PXDNL: variants seen among roughly 807,000 people sequenced by gnomAD.
PXDNL encodes the protein probable oxidoreductase PXDNL.
A neutral mutation model predicts 150.8 loss-of-function variants in PXDNL; 145 were observed. That is an observed-to-expected ratio of 0.96 (90% CI 0.84 to 1.10). The LOEUF is 1.10. Ranked by LOEUF, PXDNL falls within the 50% of genes least tolerant of loss-of-function variation. The pLI, the probability that PXDNL is intolerant of heterozygous loss-of-function variation, is 0.00. For missense variants in PXDNL, 2,087 were observed against 1,873.9 expected (o/e 1.11, Z -2.10); for synonymous variants, 757 against 725.7 (o/e 1.04, Z -0.69).
intron 2 of PXDNL, among the ~76,000 whole-genome samples, chr8:51,596,215 G>A (rs1563477135): frequency 6.6e-6 from 1 of 152,070 alleles, no homozygotes; most frequent in Non-Finnish European, 1.5e-5. Context: ...CCATGTTGTT[G>A]CAAGGAACAT....
rs538253763 is a variant in PXDNL at position 51,342,910 on chromosome 8, C to G, written c.4016+2923G>C. 2.0e-5 allele frequency among the ~76,000 whole-genome samples: 3 copies of G among 148,758 alleles called. No individual in the cohort carries two copies. In the East Asian group the frequency reaches 5.9e-4, roughly 29 times the overall value. On this transcript the variant is annotated intron_variant, in intron 20 of 22. Coordinates refer to ENST00000356297, the MANE Select transcript of PXDNL (RefSeq NM_144651.5). ...AAAAAAAAAAAAAAAGGGCCTTGCT[C>G]CTAACCAGTACACAGTCTATTTTCC...
intron 3 of PXDNL, among the ~76,000 whole-genome samples, chr8:51,583,734 T>A (rs2130633643): frequency 6.6e-6 from 1 of 152,266 alleles, no homozygotes; most frequent in Admixed American, 6.5e-5. Context: ...GATGAATAGA[T>A]AAATAGATGG....
At chr8:51,352,903 G>A (rs963227258) in intron 19 of PXDNL, among the ~76,000 whole-genome samples, 7 of 152,110 alleles carry the variant, frequency 4.6e-5, no homozygotes, top group African/African-American at 1.7e-4. Flanking sequence ...CTAACAATGG[G>A]TACCCATGGA....
chr8:51,621,320 T>C (rs1294657249), intron 2 of PXDNL, among the ~76,000 whole-genome samples: 3 of 152,186 alleles, frequency 2.0e-5, no homozygotes, highest in Non-Finnish European at 4.4e-5. Context: ...TAACAACAGT[T>C]GGTATTCTAA....
Position 51,446,392 on chromosome 8 carries a change from G to A in PXDNL, c.1525+612C>T, listed in dbSNP as rs539648953. Among the ~76,000 whole-genome samples the A allele has an allele frequency of 4.6e-5, 7 of 152,226 alleles. No individual in the cohort carries two copies. The South Asian group carries it at 1.5e-3, about 32-fold the overall frequency. ...ATTAAGTTCCATCATTTCACCATAA[G>A]CCAGAAACTAAGAAAAAATTTCAGC... is the stretch of plus-strand genomic sequence containing the variant. On this transcript the variant is annotated intron_variant, in intron 12 of 22. Coordinates refer to ENST00000356297, the MANE Select transcript of PXDNL (RefSeq NM_144651.5).
intron 4 of PXDNL, among the ~76,000 whole-genome samples, chr8:51,517,508 C>G (rs776162546): frequency 2.0e-5 from 3 of 152,188 alleles, no homozygotes; most frequent in African/African-American, 2.4e-5. Flanking sequence ...TTGACTATGT[C>G]TTGCTCATGC....
At chr8:51,788,039 T>C (rs2037476484) in intron 1 of PXDNL, among the ~76,000 whole-genome samples, 1 of 152,350 alleles carries the variant, frequency 6.6e-6, no homozygotes, top group East Asian at 1.9e-4. Context: ...TAAAGTGTTT[T>C]CAAATTAAGC....
Position 51,374,627 on chromosome 8 carries a change from G to T in PXDNL, c.3662C>A (p.Thr1221Asn). The change falls in exon 18 of 23, where the codon ACC becomes AAC. Residue 1221 changes from threonine (T) to asparagine (N), a missense_variant. Coordinates refer to ENST00000356297, the MANE Select transcript of PXDNL (RefSeq NM_144651.5). Reference protein sequence around the residue: ...VGPTLMCLFVTQFQRLRDGDR... With the variant: ...VGPTLMCLFVNQFQRLRDGDR... ...TCCATCTCTTAGCCGCTGAAACTGG[G>T]TAACAAACAGGCACATAAGTGTTGG... 5 of 1,613,794 alleles carry T rather than the reference G, an allele frequency of 3.1e-6. No homozygotes were observed. Among genetic ancestry groups the T allele is most frequent in the Non-Finnish European group, 4.2e-6 (5 of 1,179,840 alleles).
chr8:51,575,146 G>C (rs1033500691), intron 3 of PXDNL, among the ~76,000 whole-genome samples: 4 of 151,998 alleles, frequency 2.6e-5, no homozygotes, highest in Non-Finnish European at 5.9e-5. Flanking sequence ...AGGGACTTAA[G>C]AGGAGGAAAG....
chr8:51,487,298 G>T (rs1810788697), intron 5 of PXDNL, among the ~76,000 whole-genome samples: 1 of 151,914 alleles, frequency 6.6e-6, no homozygotes. Flanking sequence ...TTCTAAGAAA[G>T]TAAATCTTCT....
intron 12 of PXDNL, among the ~76,000 whole-genome samples, chr8:51,431,734 G>C (rs1343860785): frequency 6.6e-6 from 1 of 152,084 alleles, no homozygotes; most frequent in African/African-American, 2.4e-5. Context: ...TTCTAAATTA[G>C]TTCATTAATA....
chr8:51,729,525 A>C (rs1816878588), intron 1 of PXDNL, among the ~76,000 whole-genome samples: 1 of 152,242 alleles, frequency 6.6e-6, no homozygotes, highest in South Asian at 2.1e-4. Flanking sequence ...GCTGAGCAGC[A>C]GAGACTCTTA....
chr8:51,524,038 G>A (rs532537109), intron 4 of PXDNL, among the ~76,000 whole-genome samples: 1 of 152,308 alleles, frequency 6.6e-6, no homozygotes, highest in South Asian at 2.1e-4. Flanking sequence ...TCTGCAGCAG[G>A]ATCTGGGCAC....
intron 2 of PXDNL, among the ~76,000 whole-genome samples, chr8:51,602,420 G>C (rs1288402471): frequency 2.0e-5 from 3 of 151,578 alleles, no homozygotes; most frequent in African/African-American, 7.3e-5. Flanking sequence ...TAATTCAAAA[G>C]ACCAGTCTTC....
intron 2 of PXDNL, among the ~76,000 whole-genome samples, chr8:51,610,259 A>G (rs1813971391): frequency 6.6e-6 from 1 of 152,184 alleles, no homozygotes; most frequent in African/African-American, 2.4e-5. Flanking sequence ...TGGAGTCCAC[A>G]TTAGATTACA....
chr8:51,644,298 C>T (rs1367695544), intron 2 of PXDNL, among the ~76,000 whole-genome samples: 1 of 118,522 alleles, frequency 8.4e-6, no homozygotes, highest in African/African-American at 2.8e-5. Context: ...ATATATAAAC[C>T]CTGTAGCAAA....
Position 51,475,066 on chromosome 8 carries a change from T to C in PXDNL, c.600A>G (p.Gln200=), listed in dbSNP as rs1810442182. 1 of 1,613,906 alleles carries C rather than the reference T, an allele frequency of 6.2e-7. No individual in the cohort carries two copies. The highest frequency in any genetic ancestry group is 8.5e-7 in the Non-Finnish European group (1 of 1,179,872). Residue 200 remains glutamine, a synonymous_variant, in exon 7 of 23, where the codon CAA becomes CAG. Coordinates refer to ENST00000356297, the MANE Select transcript of PXDNL (RefSeq NM_144651.5). The part of the protein sequence containing the change: ...WLGELLQGFA[Q]HGHTQAAATC... ...TAGCCGCAGCCTGGGTGTGGCCGTGTTGGGCAAAGCCTTGTAAAAGCTCCC... is the reference window on the plus strand; with the variant it reads ...TAGCCGCAGCCTGGGTGTGGCCGTGCTGGGCAAAGCCTTGTAAAAGCTCCC...
chr8:51,453,422 A>G (rs1166835899), intron 10 of PXDNL, 97 bp downstream of exon 10: 7 of 1,214,040 alleles, frequency 5.8e-6, no homozygotes, highest in Non-Finnish European at 3.5e-6. Flanking sequence ...AAATAAAAAT[A>G]TTTCTCCACT....
chr8:51,786,291 C>A (rs1184738860), intron 1 of PXDNL, among the ~76,000 whole-genome samples: 1 of 152,130 alleles, frequency 6.6e-6, no homozygotes, highest in Non-Finnish European at 1.5e-5. Context: ...TCACTGCAAC[C>A]TCCACCTCCT....
Sources: gnomAD v4.1 joint callset for allele counts (sites outside exome capture counted in the v4.1 genomes callset) on GRCh38, gnomAD v4.1.1 for gene constraint, MANE v1.5 for transcripts, NCBI Gene and HGNC (gene_info 2026-07-23, HGNC 2026-07-21) for gene names.